DGKG: variants seen among roughly 807,000 people sequenced by gnomAD.
DGKG encodes the protein diacylglycerol kinase gamma, also known as DAG kinase gamma.
Under a neutral mutation model 105.3 loss-of-function variants are expected in DGKG, and 78 were observed. The ratio of observed to expected loss-of-function variants is 0.74; its 90% CI spans 0.62 to 0.89. The LOEUF is 0.89. DGKG is among the 40% of genes least tolerant of loss of function. The pLI, the probability that DGKG is intolerant of heterozygous loss-of-function variation, is 0.00. For missense variants in DGKG, 958 were observed against 1,020.1 expected (o/e 0.94, Z 0.83); for synonymous variants, 346 against 367.1 (o/e 0.94, Z 0.66).
At chr3:186,209,762 G>A (rs1019761803) in intron 21 of DGKG, among the ~76,000 whole-genome samples, 3 of 151,868 alleles carry the variant, frequency 2.0e-5, no homozygotes, top group Non-Finnish European at 2.9e-5. Context: ...CGCCCTGTCC[G>A]TCTCTCTTAG....
At chr3:186,250,312 C>T (rs1721145937) in intron 19 of DGKG, among the ~76,000 whole-genome samples, 1 of 152,036 alleles carries the variant, frequency 6.6e-6, no homozygotes, top group Admixed American at 6.6e-5. Context: ...GAAACCAACA[C>T]ACACTGGGGC....
At chr3:186,263,745 C>T (rs1324195333) in intron 14 of DGKG, among the ~76,000 whole-genome samples, 1 of 151,778 alleles carries the variant, frequency 6.6e-6, no homozygotes, top group Non-Finnish European at 1.5e-5. Flanking sequence ...TGTGTGTAAC[C>T]CTACTACCAA....
chr3:186,290,797 T>C (rs1388107755), intron 5 of DGKG, among the ~76,000 whole-genome samples: 1 of 152,148 alleles, frequency 6.6e-6, no homozygotes, highest in Non-Finnish European at 1.5e-5. Flanking sequence ...AGGTCCCCTT[T>C]GAGTAACAGC....
At chr3:186,176,945 T>C (rs935332524) in intron 22 of DGKG, among the ~76,000 whole-genome samples, 3 of 152,218 alleles carry the variant, frequency 2.0e-5, no homozygotes, top group African/African-American at 7.2e-5. Context: ...AGGAAGAGGC[T>C]GAGCTTGTTG....
At chr3:186,162,280 C>T (rs911885277) in intron 23 of DGKG, among the ~76,000 whole-genome samples, 3 of 152,202 alleles carry the variant, frequency 2.0e-5, no homozygotes, top group Non-Finnish European at 4.4e-5. Context: ...TGTGGATGAG[C>T]AGTGAAGTCC....
At chr3:186,218,131 C>T (rs1350018643) in intron 20 of DGKG, among the ~76,000 whole-genome samples, 1 of 152,100 alleles carries the variant, frequency 6.6e-6, no homozygotes, top group Non-Finnish European at 1.5e-5. Flanking sequence ...GCCTCCCAGA[C>T]CCCATTATCA....
chr3:186,148,334 AGACTATGAT>A lies in DGKG; in HGVS notation c.*1747_*1755del. 4.1e-6 allele frequency: 4 copies of A among 985,436 alleles called. No homozygotes were observed. Among genetic ancestry groups the A allele is most frequent in the Non-Finnish European group, 4.8e-6 (4 of 829,938 alleles). 61.0% of individuals were successfully genotyped at this position (985,436 alleles called of 1,614,324 possible). A position where few individuals can be genotyped will look rare whatever the true frequency, so the allele number is the denominator to read the frequency against. ...CAGCCAAGGTTGTTTCCAAACTAAG[AGACTATGAT>A]GACCATGATGAGGTGACATGTGGAG... On this transcript the variant is annotated 3_prime_UTR_variant, in exon 25 of 25. Transcript: ENST00000265022.
chr3:186,314,532 A>G (rs1056136954), intron 2 of DGKG, among the ~76,000 whole-genome samples: 2 of 152,228 alleles, frequency 1.3e-5, no homozygotes, highest in Non-Finnish European at 1.5e-5. Flanking sequence ...AGGCGGGTGG[A>G]TCACCTGAGG....
chr3:186,328,046 G>A (rs906289078), intron 1 of DGKG, among the ~76,000 whole-genome samples: 1 of 152,126 alleles, frequency 6.6e-6, no homozygotes, highest in African/African-American at 2.4e-5. Context: ...CACTAGCAAA[G>A]TGCCTGGATG....
chr3:186,258,041 A>C, intron 16 of DGKG, 102 bp from the exon 17 acceptor site: 3 of 841,582 alleles, frequency 3.6e-6, no homozygotes, highest in Non-Finnish European at 6.0e-6. Flanking sequence ...GAGTATGTTA[A>C]GACCTCGATT....
At chr3:186,324,657 C>T (rs1167766163) in intron 1 of DGKG, among the ~76,000 whole-genome samples, 2 of 152,100 alleles carry the variant, frequency 1.3e-5, no homozygotes, top group Non-Finnish European at 2.9e-5. Context: ...ACATGTACAT[C>T]AAAACCATGA....
chr3:186,162,473 T>C (rs2108477407), intron 23 of DGKG, among the ~76,000 whole-genome samples: 1 of 152,382 alleles, frequency 6.6e-6, no homozygotes. Flanking sequence ...GTCTCCAATT[T>C]ATACAACATA....
At position 186,245,823 on chromosome 3, in the gene DGKG, T is replaced by A. The variant is rs377257011; in HGVS notation, c.1762-3255A>T. On this transcript the variant is annotated intron_variant, in intron 19 of 24. Transcript: ENST00000265022. ...TATTGGAGTATCTAGGCCAGTGCTATCCAATAGAAATACAGAGTAAGCTAC... is the reference window on the plus strand; with the variant it reads ...TATTGGAGTATCTAGGCCAGTGCTAACCAATAGAAATACAGAGTAAGCTAC... Among the ~76,000 whole-genome samples the A allele has an allele frequency of 2.6e-5, 4 of 151,960 alleles. No individual in the cohort carries two copies. In the East Asian group the frequency reaches 5.8e-4, roughly 22 times the overall value.
chr3:186,336,086 T>G (rs191670795), intron 1 of DGKG, among the ~76,000 whole-genome samples: 3 of 152,274 alleles, frequency 2.0e-5, no homozygotes, highest in Admixed American at 1.3e-4. Flanking sequence ...TGTCCCCTTC[T>G]TGGGCAGCCC....
chr3:186,150,133 C>G lies in DGKG; in HGVS notation c.2333G>C (p.Ser778Thr), dbSNP rs1250519909. ...CTTCCTTCTCAACGAGAAGAAGCTG[C>G]TCTTCTGGGGAGGCCCCATCATCAT... ...APMMMGPPQK[S>T]SFFSLRRKSR... Residue 778 changes from serine to threonine, a missense_variant, in exon 25 of 25, where the codon AGC becomes ACC. This residue lies in a region of DGKG where 315 missense variants were observed against 400.6 expected (regional missense o/e 0.79). Transcript: ENST00000265022. 1 of 1,613,630 alleles carries G rather than the reference C, an allele frequency of 6.2e-7. No individual in the cohort carries two copies. Among genetic ancestry groups the G allele is most frequent in the Non-Finnish European group, 8.5e-7 (1 of 1,179,852 alleles).
intron 21 of DGKG, among the ~76,000 whole-genome samples, chr3:186,211,323 C>T (rs741480): frequency 0.19 from 28,670 of 152,058 alleles, 2,853 homozygotes; most frequent in Middle Eastern, 0.31. Flanking sequence ...TGAGTCAGCT[C>T]GCTGAAGCAG....
intron 14 of DGKG, chr3:186,262,059 G>A (rs1721802206): frequency 3.0e-6 from 1 of 328,618 alleles, no homozygotes. Context: ...ACGTGGTCTT[G>A]TACCTACAGC....
chr3:186,175,203 G>C (rs1717015989), intron 22 of DGKG, among the ~76,000 whole-genome samples: 1 of 152,154 alleles, frequency 6.6e-6, no homozygotes, highest in South Asian at 2.1e-4. Context: ...GATGGAGGCT[G>C]GATTTCCTAA....
chr3:186,322,211 G>T (rs1339331185), intron 1 of DGKG, among the ~76,000 whole-genome samples: 1 of 152,114 alleles, frequency 6.6e-6, no homozygotes, highest in Non-Finnish European at 1.5e-5. Context: ...TAAAGCAAAT[G>T]TAGTACATAT....
Sources: gnomAD v4.1 joint callset for allele counts (sites outside exome capture counted in the v4.1 genomes callset) on GRCh38, gnomAD v4.1.1 for gene constraint, gnomAD v4.1.1 regional missense constraint, MANE v1.5 for transcripts, NCBI Gene and HGNC (gene_info 2026-07-23, HGNC 2026-07-21) for gene names.